Variants in NAV1 observed in about 807,000 individuals in gnomAD.
NAV1 encodes pore membrane and/or filament interacting like protein 3.
A neutral mutation model predicts 175.2 loss-of-function variants in NAV1; 18 were observed. The ratio of observed to expected loss-of-function variants is 0.10; its 90% CI spans 0.07 to 0.15. NAV1 has a LOEUF of 0.15. Ranked by LOEUF, NAV1 falls within the 10% of genes least tolerant of loss-of-function variation. The pLI is 1.00. For synonymous variants in NAV1, 897 were observed against 978.7 expected (o/e 0.92, Z 1.56); for missense variants, 1,731 against 2,436.6 (o/e 0.71, Z 6.10).
rs888998287 is a variant in NAV1, at chr1:201,629,541, C to T, written c.4+34C>T. Reference sequence around the variant, plus strand: ...TCTGGGGGAGACTTCCTCCTAGGGTCGGGAGGCCACTGTGCTAGAGCTGCC... The same window carrying T: ...TCTGGGGGAGACTTCCTCCTAGGGTTGGGAGGCCACTGTGCTAGAGCTGCC... On this transcript the variant is annotated intron_variant, in intron 2 of 29. Coordinates refer to the NAV1 transcript ENST00000367302. 7.1e-6 allele frequency: 9 copies of T among 1,276,006 alleles called. No individual in the cohort carries two copies. The Admixed American group carries it at 9.5e-5, about 13-fold the overall frequency. 79.0% of individuals were successfully genotyped at this position (1,276,006 alleles called of 1,614,324 possible). A position where few individuals can be genotyped will look rare whatever the true frequency, so the allele number is the denominator to read the frequency against.
At chr1:201,780,869 T>G in intron 4 of NAV1, 143 bp from the exon 9 acceptor site, 1 of 981,750 alleles carries the variant, frequency 1.0e-6, no homozygotes, top group Non-Finnish European at 1.5e-6. Context: ...TTGGAAACCC[T>G]AGGGGTATAG....
At chr1:201,743,698 T>A (rs941205339) in intron 3 of NAV1, among the ~76,000 whole-genome samples, 2 of 152,178 alleles carry the variant, frequency 1.3e-5, no homozygotes, top group African/African-American at 4.8e-5. Context: ...CTAATGAGGA[T>A]GCCTATGAGT....
rs568949329 is a variant in NAV1, at chr1:201,546,166, T to C, written c.-144+6824T>C. Among the ~76,000 whole-genome samples the C allele has an allele frequency of 1.3e-3, 199 of 152,354 alleles. 1 individual carries two copies. Among genetic ancestry groups the C allele is most frequent in the African/African-American group, 4.4e-3 (184 of 41,588 alleles). On this transcript the variant is annotated intron_variant, in intron 1 of 33. Coordinates refer to the NAV1 transcript ENST00000685211. ...CTTTGTCTCTCATCTGGGACCATTC[T>C]GTATGGCCCCTCTGGCTCTCCTTCC...
exon 29 of NAV1, chr1:201,817,138 C>T (rs373596498): frequency 1.2e-6 from 2 of 1,614,116 alleles, no homozygotes; most frequent in South Asian, 1.1e-5. Flanking sequence ...GGGTCCGGGA[C>T]ACACTTCCCT....
intron 3 of NAV1, among the ~76,000 whole-genome samples, chr1:201,735,270 G>A (rs934077389): frequency 6.6e-6 from 1 of 152,242 alleles, no homozygotes; most frequent in Non-Finnish European, 1.5e-5. Context: ...GGATTGTGTG[G>A]AAGGATCTTG....
chr1:201,560,119 T>C (rs1292519326), intron 1 of NAV1, among the ~76,000 whole-genome samples: 2 of 152,160 alleles, frequency 1.3e-5, no homozygotes, highest in East Asian at 1.9e-4. Context: ...TGCTGGGTGG[T>C]ATCAAAAAAC....
exon 1 of NAV1, chr1:201,648,758 C>G (rs1325067943): frequency 7.1e-7 from 1 of 1,402,332 alleles, no homozygotes; most frequent in Non-Finnish European, 9.2e-7. Flanking sequence ...CGCGGGGCGC[C>G]GGCAGGAAGG....
chr1:201,688,025 G>A (rs985199061), intron 1 of NAV1, among the ~76,000 whole-genome samples: 8 of 152,256 alleles, frequency 5.3e-5, no homozygotes, highest in Admixed American at 3.3e-4. Flanking sequence ...CAATGCAGAT[G>A]ATTACATGTG....
At chr1:201,650,327 T>C (rs550476911) in intron 1 of NAV1, among the ~76,000 whole-genome samples, 91 of 152,294 alleles carry the variant, frequency 6.0e-4, no homozygotes, top group African/African-American at 2.1e-3. Flanking sequence ...CAGAGAGGAA[T>C]AGATCTGGGA....
intron 3 of NAV1, among the ~76,000 whole-genome samples, chr1:201,761,954 A>T (rs1212103210): frequency 6.6e-6 from 1 of 152,110 alleles, no homozygotes; most frequent in Non-Finnish European, 1.5e-5. Flanking sequence ...GGAGTTCAAG[A>T]CCAGCCTAGG....
At chr1:201,700,265 A>C (rs1345288485) in intron 1 of NAV1, among the ~76,000 whole-genome samples, 5 of 152,228 alleles carry the variant, frequency 3.3e-5, no homozygotes, top group Non-Finnish European at 7.3e-5. Flanking sequence ...CCCCATCAAA[A>C]GTGGGCAAAG....
chr1:201,661,838 T>C (rs1290405016), intron 1 of NAV1, among the ~76,000 whole-genome samples: 3 of 152,222 alleles, frequency 2.0e-5, no homozygotes, highest in African/African-American at 7.2e-5. Flanking sequence ...AGAAGTTAGC[T>C]TCTTCATGGA....
chr1:201,741,151 T>G (rs1009918066), intron 3 of NAV1, among the ~76,000 whole-genome samples: 1 of 152,128 alleles, frequency 6.6e-6, no homozygotes, highest in Non-Finnish European at 1.5e-5. Context: ...ATTACAACTG[T>G]GCACACAAAG....
intron 8 of NAV1, 88 bp from the exon 13 acceptor site, chr1:201,786,341 C>G (rs12563363): frequency 0.14 from 192,150 of 1,335,250 alleles, 16,074 homozygotes; most frequent in African/African-American, 0.32. Context: ...TCTCCTGGCT[C>G]CAGCCTAGTT....
In NAV1 at chr1:201,641,068, A is replaced by T. The variant is rs550927509; in HGVS notation, c.5-7566A>T. Among the ~76,000 whole-genome samples the T allele has an allele frequency of 1.1e-3, 169 of 152,318 alleles. 1 individual carries two copies. The highest frequency in any genetic ancestry group is 3.9e-3 in the African/African-American group (161 of 41,574). ...TTGGCCTCAAGCGGGGCCGGGGAGA[A>T]GAGAGGACTCTAATTCTACCTCCAA... On this transcript the variant is annotated intron_variant, in intron 2 of 29. Coordinates refer to the NAV1 transcript ENST00000367302.
At chr1:201,696,746 G>A (rs1387853333) in intron 1 of NAV1, among the ~76,000 whole-genome samples, 5 of 152,174 alleles carry the variant, frequency 3.3e-5, no homozygotes, top group Non-Finnish European at 7.3e-5. Flanking sequence ...ACGGACTTCA[G>A]AGAAGACTGG....
chr1:201,771,676 T>C (rs1460456408), intron 3 of NAV1, among the ~76,000 whole-genome samples: 1 of 151,508 alleles, frequency 6.6e-6, no homozygotes, highest in Non-Finnish European at 1.5e-5. Flanking sequence ...TGGCATAAAA[T>C]AAAAAGTTAC....
At chr1:201,611,737 G>A (rs954046011) in intron 2 of NAV1, among the ~76,000 whole-genome samples, 1 of 152,194 alleles carries the variant, frequency 6.6e-6, no homozygotes, top group Non-Finnish European at 1.5e-5. Flanking sequence ...TTTTTCCAGG[G>A]AAGCCTGTGA....
intron 15 of NAV1, among the ~76,000 whole-genome samples, chr1:201,800,606 C>T (rs987644375): frequency 2.6e-5 from 4 of 152,142 alleles, no homozygotes; most frequent in African/African-American, 9.7e-5. Flanking sequence ...TTTCCTACCA[C>T]TGAGATAAAC....
Sources: gnomAD v4.1 joint callset for allele counts (sites outside exome capture counted in the v4.1 genomes callset) on GRCh38, gnomAD v4.1.1 for gene constraint, MANE v1.5 for transcripts, NCBI Gene and HGNC (gene_info 2026-07-23, HGNC 2026-07-21) for gene names.